The following PCSK5 variants were observed in gnomAD, a reference collection of about 807,000 sequenced individuals.
PCSK5 encodes proprotein convertase subtilisin/kexin type 5.
A neutral mutation model predicts 233.2 loss-of-function variants in PCSK5; 129 were observed. The ratio of observed to expected loss-of-function variants is 0.55; its 90% confidence interval spans 0.48 to 0.64. PCSK5 has a LOEUF of 0.64. PCSK5 is among the 30% of genes least tolerant of loss of function. The pLI, the probability that PCSK5 is intolerant of heterozygous loss-of-function variation, is 0.00. For synonymous variants in PCSK5, 825 were observed against 879.2 expected (o/e 0.94, Z 1.09); for missense variants, 2,076 against 2,430.1 (o/e 0.85, Z 3.06).
rs1832595746 is a variant in PCSK5, at chr9:76,120,625, A to G, written c.1208+13274A>G. The stretch of plus-strand genomic sequence containing the variant: ...TATCTATAACAGAGCCATTATTTTT[A>G]TATGTTTTTCTTATCTCTAGGTCCT... On this transcript the variant is annotated intron_variant, in intron 9 of 37. Coordinates refer to ENST00000674117, the MANE Select transcript of PCSK5 (RefSeq NM_001372043.1). Among the ~76,000 whole-genome samples, 3 of 151,278 alleles carry G rather than the reference A, an allele frequency of 2.0e-5. No individual in the cohort carries two copies. In the South Asian group the frequency reaches 6.2e-4, roughly 31 times the overall value.
intron 5 of PCSK5, among the ~76,000 whole-genome samples, chr9:76,047,875 C>A (rs1400626836): frequency 2.6e-5 from 4 of 151,984 alleles, no homozygotes; most frequent in African/African-American, 9.7e-5. Flanking sequence ...TTGTATCAAA[C>A]AAAAATGAAT....
At chr9:75,892,101 G>A (rs1825635795) in intron 1 of PCSK5, among the ~76,000 whole-genome samples, 1 of 152,182 alleles carries the variant, frequency 6.6e-6, no homozygotes, top group South Asian at 2.1e-4. Flanking sequence ...GGAAAACGAG[G>A]AGTCTTACCC....
intron 24 of PCSK5, among the ~76,000 whole-genome samples, chr9:76,259,557 G>A (rs1484574569): frequency 1.3e-5 from 2 of 151,596 alleles, no homozygotes; most frequent in East Asian, 3.9e-4. Flanking sequence ...ATGTTTTATT[G>A]ACTTTTAATA....
intron 20 of PCSK5, chr9:76,209,609 A>T: frequency 2.0e-6 from 1 of 501,490 alleles, no homozygotes; most frequent in Non-Finnish European, 4.0e-6. Flanking sequence ...AACGTCCAAT[A>T]GTCAACTTAT....
In PCSK5 at chr9:76,302,232, G is replaced by C; in HGVS notation, c.3604+15G>C. 1 of 1,226,936 alleles carries C rather than the reference G, an allele frequency of 8.2e-7. No individual in the cohort carries two copies. Among genetic ancestry groups the C allele is most frequent in the South Asian group, 1.3e-5 (1 of 79,570 alleles). 76.0% of individuals were successfully genotyped at this position (1,226,936 alleles called of 1,614,324 possible). The stretch of plus-strand genomic sequence containing the variant: ...AATCAAAAGAGGTAACAGGGAAATA[G>C]GGAGGCAACAATCACAGCAGCAGAG... On this transcript the variant is annotated intron_variant, in intron 28 of 37. Transcript: ENST00000674117.
At chr9:75,935,727 G>C (rs1407292874) in intron 2 of PCSK5, among the ~76,000 whole-genome samples, 1 of 151,680 alleles carries the variant, frequency 6.6e-6, no homozygotes, top group African/African-American at 2.4e-5. Flanking sequence ...CAGTTATTTT[G>C]TAGAATATTT....
rs118072140 is a variant in PCSK5, at chr9:75,921,104, G to A, written c.193-11275G>A. Among the ~76,000 whole-genome samples, 310 of 152,190 alleles carry A rather than the reference G, an allele frequency of 2.0e-3. 1 individual carries two copies. Among genetic ancestry groups the A allele is most frequent in the Non-Finnish European group, 3.8e-3 (259 of 68,012 alleles). On this transcript the variant is annotated intron_variant, in intron 1 of 37. Coordinates refer to ENST00000674117, the MANE Select transcript of PCSK5 (RefSeq NM_001372043.1). The stretch of plus-strand genomic sequence containing the variant: ...AGATAGGAATATTTAAATGGAGATT[G>A]CAGGATTCAGGGTAAATGTTTCTGT...
intron 2 of PCSK5, among the ~76,000 whole-genome samples, chr9:75,970,993 G>A (rs1825793726): frequency 6.6e-6 from 1 of 152,086 alleles, no homozygotes; most frequent in Non-Finnish European, 1.5e-5. Context: ...ATAAATGTGT[G>A]CTGTGGTGGT....
intron 5 of PCSK5, among the ~76,000 whole-genome samples, chr9:76,058,477 T>G (rs1301707550): frequency 6.6e-6 from 1 of 152,228 alleles, no homozygotes; most frequent in Non-Finnish European, 1.5e-5. Flanking sequence ...AATACACTTG[T>G]GTATATGAAT....
At chr9:76,227,305 T>C (rs1203681601) in intron 20 of PCSK5, among the ~76,000 whole-genome samples, 198 bp from the exon 21 acceptor site, 1 of 152,176 alleles carries the variant, frequency 6.6e-6, no homozygotes, top group African/African-American at 2.4e-5. Flanking sequence ...TTCCAACTTC[T>C]GGAGCCCCCG....
chr9:76,004,785 C>G (rs1157488222), intron 3 of PCSK5, among the ~76,000 whole-genome samples: 2 of 152,088 alleles, frequency 1.3e-5, no homozygotes, highest in African/African-American at 4.8e-5. Flanking sequence ...TTCAGAAGTT[C>G]CCATCAGTTT....
chr9:75,973,509 C>G (rs1272737163), intron 2 of PCSK5, among the ~76,000 whole-genome samples: 1 of 152,160 alleles, frequency 6.6e-6, no homozygotes, highest in Non-Finnish European at 1.5e-5. Flanking sequence ...CACTCCGGAG[C>G]ACCTACTCTG....
At chr9:75,940,870 C>G (rs536174587) in intron 2 of PCSK5, among the ~76,000 whole-genome samples, 16 of 152,282 alleles carry the variant, frequency 1.1e-4, no homozygotes, top group Middle Eastern at 3.4e-3. Context: ...CATTTACAAG[C>G]TTTTTACATA....
At chr9:76,083,060 T>G (rs1830910808) in intron 7 of PCSK5, among the ~76,000 whole-genome samples, 1 of 151,710 alleles carries the variant, frequency 6.6e-6, no homozygotes. Context: ...AATACAAAAA[T>G]TAGTTAGGCA....
chr9:75,891,268 G>A lies in PCSK5; in HGVS notation c.87G>A (p.Val29=). 4 of 1,530,608 alleles carry A rather than the reference G, an allele frequency of 2.6e-6. No homozygotes were observed. The East Asian group carries it at 1.1e-4, about 40-fold the overall frequency. 94.8% of individuals were successfully genotyped at this position (1,530,608 alleles called of 1,614,324 possible). The change falls in exon 1 of 38, where the codon GTG becomes GTA. Residue 29 remains valine (V), a synonymous_variant. Coordinates refer to ENST00000674117, the MANE Select transcript of PCSK5 (RefSeq NM_001372043.1). ...LALLGGCLLP[V]CRTRVYTNHW... Reference sequence around the variant, plus strand: ...TGCTCGGGGGCTGCCTGCTCCCCGTGTGTCGGACGCGCGTCTACACCAACC... The same window carrying A: ...TGCTCGGGGGCTGCCTGCTCCCCGTATGTCGGACGCGCGTCTACACCAACC...
chr9:75,889,830 T>C (rs1341875808), upstream of PCSK5, among the ~76,000 whole-genome samples: 1 of 152,162 alleles, frequency 6.6e-6, no homozygotes, highest in Non-Finnish European at 1.5e-5. Context: ...GTAATGAAGG[T>C]GACGCCGCCA....
intron 24 of PCSK5, among the ~76,000 whole-genome samples, chr9:76,261,418 G>A (rs1827171167): frequency 6.6e-6 from 1 of 152,130 alleles, no homozygotes; most frequent in African/African-American, 2.4e-5. Flanking sequence ...AATGACTCTG[G>A]TAAAGCTGCA....
At chr9:76,308,148 G>T (rs1008722659) in intron 28 of PCSK5, among the ~76,000 whole-genome samples, 17 of 152,188 alleles carry the variant, frequency 1.1e-4, no homozygotes, top group African/African-American at 3.6e-4. Flanking sequence ...AGTGAGCCAA[G>T]ATCACACCAC....
chr9:76,320,469 T>C lies in PCSK5; in HGVS notation c.3885-953T>C, dbSNP rs1416679678. 2.3e-5 allele frequency among the ~76,000 whole-genome samples: 2 copies of C among 87,816 alleles called. 1 individual carries two copies. Among genetic ancestry groups the C allele is most frequent in the Non-Finnish European group, 4.8e-5 (2 of 41,840 alleles). 57.6% of individuals were successfully genotyped at this position (87,816 alleles called of 152,430 possible). A position where few individuals can be genotyped will look rare whatever the true frequency, so the allele number is the denominator to read the frequency against. On this transcript the variant is annotated intron_variant, in intron 30 of 37. Coordinates refer to ENST00000674117, the MANE Select transcript of PCSK5 (RefSeq NM_001372043.1). ...AAAAAAAAAAGTACATTGTAGCTTT[T>C]TTTTTTTTTTTTTTTTTGAGACAGA...
Sources: gnomAD v4.1 joint callset for allele counts (sites outside exome capture counted in the v4.1 genomes callset) on GRCh38, gnomAD v4.1.1 for gene constraint, MANE v1.5 for transcripts, NCBI Gene and HGNC (gene_info 2026-07-23, HGNC 2026-07-21) for gene names.